FBXL17: variants seen among roughly 807,000 people sequenced by gnomAD.
FBXL17 encodes the protein F-box and leucine rich repeat protein 17.
A neutral mutation model predicts 66.2 loss-of-function variants in FBXL17; 22 were observed. The observed-to-expected ratio is 0.33, with a 90% confidence interval of 0.24 to 0.47. FBXL17 has a LOEUF of 0.47. Among genes scored for constraint, FBXL17 ranks in the 20% least tolerant of loss-of-function variants. The pLI is 1.00. For synonymous variants in FBXL17, 474 were observed against 400.5 expected (o/e 1.18, Z -2.19); for missense variants, 878 against 948.2 (o/e 0.93, Z 0.97).
At chr5:108,198,581 A>C (rs1244463374) in intron 5 of FBXL17, among the ~76,000 whole-genome samples, 2 of 152,234 alleles carry the variant, frequency 1.3e-5, no homozygotes, top group African/African-American at 4.8e-5. Flanking sequence ...TAGAAGAGTC[A>C]AACATTTTAA....
chr5:107,878,873 A>G (rs1340923524), intron 8 of FBXL17: 2 of 985,392 alleles, frequency 2.0e-6, no homozygotes, highest in Admixed American at 6.1e-5. Context: ...CCTGGGCTGC[A>G]CTGCAGCAGG....
At chr5:108,280,511 G>C (rs565478634) in intron 4 of FBXL17, among the ~76,000 whole-genome samples, 1 of 152,006 alleles carries the variant, frequency 6.6e-6, no homozygotes, top group Admixed American at 6.6e-5. Flanking sequence ...ACACATGACA[G>C]TATAAAACTC....
chr5:108,108,551 T>C (rs1749901509), intron 6 of FBXL17, among the ~76,000 whole-genome samples: 1 of 152,194 alleles, frequency 6.6e-6, no homozygotes, highest in Non-Finnish European at 1.5e-5. Context: ...CATGTTAGGA[T>C]AGATCTATAT....
At chr5:108,298,536 T>A (rs1366574937) in intron 4 of FBXL17, 1 of 974,142 alleles carries the variant, frequency 1.0e-6, no homozygotes, top group Non-Finnish European at 1.2e-6. Context: ...CTAATGATGC[T>A]AAGGAGAAAT....
intron 4 of FBXL17, among the ~76,000 whole-genome samples, chr5:108,329,697 CTTCT>C (rs1760027794): frequency 1.3e-5 from 2 of 152,214 alleles, no homozygotes; most frequent in Admixed American, 1.3e-4. Context: ...TATAAAATAG[CTTCT>C]TTAACTTTAA....
intron 4 of FBXL17, among the ~76,000 whole-genome samples, chr5:108,321,224 T>C (rs943849948): frequency 2.6e-5 from 4 of 151,856 alleles, no homozygotes; most frequent in Non-Finnish European, 5.9e-5. Flanking sequence ...ACATTTAACA[T>C]CCTTAATTAC....
rs552484755 is a variant in FBXL17 at position 108,302,233 on chromosome 5, A to C, written c.1506+46166T>G. On this transcript the variant is annotated intron_variant, in intron 4 of 8. Transcript: ENST00000542267. ...TAATGACTATCCCAAGTAAATATAA[A>C]GTCATCACTAGTCAAAAATACTTCC... Among the ~76,000 whole-genome samples the C allele has an allele frequency of 3.3e-5, 5 of 151,986 alleles. No individual in the cohort carries two copies. The East Asian group carries it at 9.7e-4, about 29-fold the overall frequency.
Position 108,009,959 on chromosome 5 carries a change from C to T in FBXL17, c.1822+10966G>A, listed in dbSNP as rs558926527. ...CTCGAGAATAGTGTCCATTTTGTACCGAGGAAATCTACCGGTTTTCTACCC... is the reference window on the plus strand; with the variant it reads ...CTCGAGAATAGTGTCCATTTTGTACTGAGGAAATCTACCGGTTTTCTACCC... On this transcript the variant is annotated intron_variant, in intron 7 of 8. Transcript: ENST00000542267. Among the ~76,000 whole-genome samples, 7 of 152,214 alleles carry T rather than the reference C, an allele frequency of 4.6e-5. No homozygotes were observed. In the South Asian group the frequency reaches 8.3e-4, roughly 18 times the overall value.
chr5:108,142,978 T>TATAATAATAATA (rs10623997), intron 6 of FBXL17, among the ~76,000 whole-genome samples: 3,797 of 145,074 alleles, frequency 0.026, 105 homozygotes, highest in African/African-American at 0.062. Flanking sequence ...GAACATAAAG[T>TATAATAATAATA]ATAATAATAA....
chr5:108,038,898 G>A (rs190216464), intron 6 of FBXL17, among the ~76,000 whole-genome samples: 4 of 152,042 alleles, frequency 2.6e-5, no homozygotes, highest in Admixed American at 6.5e-5. Context: ...TGATATACTC[G>A]GGGTGTGGTT....
chr5:107,939,682 T>A (rs1440575333), intron 7 of FBXL17, among the ~76,000 whole-genome samples: 4 of 152,196 alleles, frequency 2.6e-5, no homozygotes, highest in South Asian at 2.1e-4. Flanking sequence ...TTGTATAGAA[T>A]AATTCTGTGC....
At chr5:108,257,939 A>G (rs954770684) in intron 4 of FBXL17, among the ~76,000 whole-genome samples, 2 of 152,100 alleles carry the variant, frequency 1.3e-5, no homozygotes, top group Non-Finnish European at 2.9e-5. Context: ...ATCTCCCCAG[A>G]CCAGTCATAC....
intron 4 of FBXL17, among the ~76,000 whole-genome samples, chr5:108,328,792 T>A (rs1279938525): frequency 6.6e-6 from 1 of 152,102 alleles, no homozygotes; most frequent in African/African-American, 2.4e-5. Context: ...ACTTTTAAAT[T>A]ATGAATAGCT....
rs539282816 is a variant in FBXL17 at position 108,135,332 on chromosome 5, G to T, written c.1745+50785C>A. 1.1e-4 allele frequency among the ~76,000 whole-genome samples: 17 copies of T among 152,194 alleles called. No individual in the cohort carries two copies. The East Asian group carries it at 1.7e-3, about 16-fold the overall frequency. On this transcript the variant is annotated intron_variant, in intron 6 of 8. Transcript: ENST00000542267. ...TTCAATACGAACTAGGAGTGAAGGT[G>T]GGAACAAGGGGAATATTTACTCCCA... is the stretch of plus-strand genomic sequence containing the variant.
At chr5:108,251,474 T>C (rs1490984190) in intron 4 of FBXL17, among the ~76,000 whole-genome samples, 3 of 152,076 alleles carry the variant, frequency 2.0e-5, no homozygotes, top group African/African-American at 7.2e-5. Flanking sequence ...GCTTGTCCTC[T>C]TATCAGATGA....
At chr5:108,257,176 T>C (rs1192110430) in intron 4 of FBXL17, among the ~76,000 whole-genome samples, 2 of 152,178 alleles carry the variant, frequency 1.3e-5, no homozygotes, top group African/African-American at 4.8e-5. Context: ...TGTGACGTAA[T>C]GAAAACAGCA....
At chr5:108,074,685 G>A (rs1580406662) in intron 6 of FBXL17, among the ~76,000 whole-genome samples, 1 of 152,154 alleles carries the variant, frequency 6.6e-6, no homozygotes, top group African/African-American at 2.4e-5. Flanking sequence ...GGAGTCTAAA[G>A]TCATGGACAG....
intron 4 of FBXL17, among the ~76,000 whole-genome samples, chr5:108,327,807 T>A (rs915515410): frequency 1.3e-5 from 2 of 152,142 alleles, no homozygotes; most frequent in Non-Finnish European, 1.5e-5. Flanking sequence ...CCTTTGGTCA[T>A]GAAGAAGAGA....
intron 6 of FBXL17, among the ~76,000 whole-genome samples, chr5:108,025,283 C>A (rs990910689): frequency 1.3e-5 from 2 of 152,050 alleles, no homozygotes; most frequent in African/African-American, 2.4e-5. Context: ...AAAGAAATGT[C>A]CCCAGCAGAG....
Sources: allele counts gnomAD v4.1 joint callset (sites outside exome capture counted in the v4.1 genomes callset), GRCh38; gene constraint gnomAD v4.1.1; transcripts MANE v1.5; gene names NCBI Gene and HGNC (gene_info 2026-07-23, HGNC 2026-07-21).